The following ASCC3 variants were observed in gnomAD, a reference collection of about 807,000 sequenced individuals.
ASCC3 encodes activating signal cointegrator 1 complex subunit 3, also known as ASC-1 complex subunit P200.
ASCC3 carries 158 observed loss-of-function variants against 256.3 expected under a neutral mutation model. That is an observed-to-expected ratio of 0.62 (90% confidence interval 0.54 to 0.70). The LOEUF is 0.70. Among genes scored for constraint, ASCC3 ranks in the 30% least tolerant of loss-of-function variants. The probability of loss-of-function intolerance (pLI) is 0.00; values close to 1 mark genes in which losing one functional copy is unlikely to be tolerated. For missense variants in ASCC3, 2,259 were observed against 2,626.0 expected (o/e 0.86, Z 3.05); for synonymous variants, 948 against 883.4 (o/e 1.07, Z -1.30).
intron 13 of ASCC3, among the ~76,000 whole-genome samples, chr6:100,700,637 G>A (rs1251581320): frequency 6.6e-6 from 1 of 152,222 alleles, no homozygotes; most frequent in Admixed American, 6.5e-5. Flanking sequence ...GGCCATGGGA[G>A]CCCACCTCTT....
chr6:100,741,486 G>C (rs1780433219), intron 10 of ASCC3, among the ~76,000 whole-genome samples: 1 of 152,114 alleles, frequency 6.6e-6, no homozygotes, highest in Admixed American at 6.5e-5. Context: ...TTTCCAACTT[G>C]GTTCCATTCT....
chr6:100,567,409 CTTAATT>C, intron 36 of ASCC3, among the ~76,000 whole-genome samples: 1 of 152,042 alleles, frequency 6.6e-6, no homozygotes, highest in East Asian at 1.9e-4. Flanking sequence ...ATAGATGTAC[CTTAATT>C]TTAATTATTT....
In ASCC3 at chr6:100,529,910, G is replaced by A. The variant is rs535631295; in HGVS notation, c.5775+10253C>T. On this transcript the variant is annotated intron_variant, in intron 37 of 41. Transcript: ENST00000369162. ...AAGCAAGTACAACAGGGCCTGATAC[G>A]AAGAAAGCCCTCAATAAATGTTCAC... Among the ~76,000 whole-genome samples, 399 of 152,022 alleles carry A rather than the reference G, an allele frequency of 2.6e-3. 3 individuals are homozygous for A. Among genetic ancestry groups the A allele is most frequent in the African/African-American group, 9.3e-3 (384 of 41,482 alleles).
intron 6 of ASCC3, among the ~76,000 whole-genome samples, chr6:100,799,854 G>C (rs1769825123): frequency 6.6e-6 from 1 of 151,894 alleles, no homozygotes; most frequent in Non-Finnish European, 1.5e-5. Flanking sequence ...ACTTATTAAG[G>C]TATACATTTC....
intron 30 of ASCC3, 122 bp downstream of exon 30, chr6:100,625,070 T>A: frequency 9.3e-7 from 1 of 1,078,070 alleles, no homozygotes; most frequent in Non-Finnish European, 1.4e-6. Context: ...ATTAATAGTG[T>A]GGTAAGGTGG....
chr6:100,815,671 C>T (rs1402732102), intron 4 of ASCC3, among the ~76,000 whole-genome samples: 3 of 152,060 alleles, frequency 2.0e-5, no homozygotes, highest in Non-Finnish European at 4.4e-5. Context: ...GGGGAAAAGA[C>T]TCCATATTCA....
chr6:100,656,650 G>A (rs1044143974), intron 16 of ASCC3, among the ~76,000 whole-genome samples: 1 of 151,238 alleles, frequency 6.6e-6, no homozygotes, highest in East Asian at 1.9e-4. Flanking sequence ...CACAACAATA[G>A]CATATAAGAG....
intron 14 of ASCC3, among the ~76,000 whole-genome samples, chr6:100,669,365 GA>G (rs1000747786): frequency 2.0e-5 from 3 of 149,970 alleles, no homozygotes; most frequent in South Asian, 2.1e-4. Context: ...AAAATAAGTG[GA>G]AAAAATCACT....
chr6:100,640,014 C>T (rs1175552529), intron 24 of ASCC3, among the ~76,000 whole-genome samples: 1 of 152,084 alleles, frequency 6.6e-6, no homozygotes, highest in African/African-American at 2.4e-5. Context: ...ACTCGGGAGG[C>T]TGAGGCAGGA....
At chr6:100,635,195 G>A (rs912539034) in intron 25 of ASCC3, among the ~76,000 whole-genome samples, 2 of 151,658 alleles carry the variant, frequency 1.3e-5, no homozygotes, top group African/African-American at 2.4e-5. Flanking sequence ...ATATATGTGT[G>A]TGTGTATATA....
At chr6:100,720,653 A>T (rs1198149233) in intron 11 of ASCC3, among the ~76,000 whole-genome samples, 1 of 151,704 alleles carries the variant, frequency 6.6e-6, no homozygotes, top group Non-Finnish European at 1.5e-5. Context: ...CAGCGCTTTA[A>T]TATTAGTAGT....
chr6:100,738,631 G>C (rs897456676), intron 10 of ASCC3, among the ~76,000 whole-genome samples: 2 of 152,180 alleles, frequency 1.3e-5, no homozygotes, highest in African/African-American at 4.8e-5. Flanking sequence ...TTGTAGTACA[G>C]TTTAAAGTCA....
chr6:100,627,238 A>G (rs1286371064), intron 29 of ASCC3, among the ~76,000 whole-genome samples: 1 of 152,108 alleles, frequency 6.6e-6, no homozygotes, highest in African/African-American at 2.4e-5. Flanking sequence ...AAGTTTTATG[A>G]TTTCTCATAA....
chr6:100,717,945 T>A, intron 12 of ASCC3, 130 bp downstream of exon 12: 3 of 753,082 alleles, frequency 4.0e-6, no homozygotes, highest in Non-Finnish European at 4.3e-6. Context: ...GATTCAATGT[T>A]CTGCAAAAGG....
At chr6:100,678,917 A>G (rs1232922620) in intron 14 of ASCC3, among the ~76,000 whole-genome samples, 1 of 152,252 alleles carries the variant, frequency 6.6e-6, no homozygotes, top group East Asian at 1.9e-4. Flanking sequence ...AATCTGCCCA[A>G]TCTTCATGTA....
intron 34 of ASCC3, among the ~76,000 whole-genome samples, chr6:100,598,302 C>T (rs1259577421): frequency 6.6e-6 from 1 of 152,094 alleles, no homozygotes; most frequent in Non-Finnish European, 1.5e-5. Context: ...AGACAATTTA[C>T]CCTTCTGACT....
chr6:100,527,848 G>GT (rs903955246), intron 37 of ASCC3, among the ~76,000 whole-genome samples: 7 of 139,320 alleles, frequency 5.0e-5, no homozygotes, highest in Non-Finnish European at 9.5e-5. Context: ...TTTTTTTGTT[G>GT]TTTTTTTTAA....
chr6:100,606,677 A>G, intron 32 of ASCC3, 63 bp downstream of exon 32: 19 of 1,493,550 alleles, frequency 1.3e-5, no homozygotes, highest in Non-Finnish European at 1.5e-5. Flanking sequence ...TTAATTATTC[A>G]AATTCAAATT....
At chr6:100,557,925 T>A (rs546567197) in intron 36 of ASCC3, among the ~76,000 whole-genome samples, 23 of 152,154 alleles carry the variant, frequency 1.5e-4, no homozygotes, top group Non-Finnish European at 2.8e-4. Context: ...CTCTTGCTGA[T>A]AGTGTATAGT....
Sources: allele counts gnomAD v4.1 joint callset (sites outside exome capture counted in the v4.1 genomes callset), GRCh38; gene constraint gnomAD v4.1.1; transcripts MANE v1.5; gene names NCBI Gene and HGNC (gene_info 2026-07-23, HGNC 2026-07-21).